Variants in NCOR2 observed in about 807,000 individuals in gnomAD.
The protein encoded by NCOR2 is CTG repeat protein 26.
Under a neutral mutation model 262.9 loss-of-function variants are expected in NCOR2, and 81 were observed. The ratio of observed to expected loss-of-function variants is 0.31; its 90% confidence interval spans 0.26 to 0.37. NCOR2 has a LOEUF of 0.37. Among genes scored for constraint, NCOR2 ranks in the 10% least tolerant of loss-of-function variants. NCOR2 has a pLI of 1.00. For missense variants in NCOR2, 3,385 were observed against 3,621.4 expected, an observed-to-expected ratio of 0.93 and a Z score of 1.68; for synonymous variants, 1,659 against 1,559.3, an observed-to-expected ratio of 1.06 and a Z score of -1.51.
exon 47 of NCOR2, chr12:124,325,392 C>CCCGGG: frequency 8.7e-7 from 1 of 1,152,266 alleles, no homozygotes; most frequent in Non-Finnish European, 1.1e-6. Flanking sequence ...CCCCCCCGCC[C>CCCGGG]TGTTCTGAGT....
chr12:124,448,093 T>G (rs887820098), intron 7 of NCOR2, among the ~76,000 whole-genome samples: 1 of 152,236 alleles, frequency 6.6e-6, no homozygotes, highest in Non-Finnish European at 1.5e-5. Flanking sequence ...CAAGGCTGAA[T>G]AGCCAAGGCC....
At chr12:124,407,503 C>T (rs1039435912) in intron 13 of NCOR2, among the ~76,000 whole-genome samples, 2 of 152,134 alleles carry the variant, frequency 1.3e-5, no homozygotes, top group Non-Finnish European at 2.9e-5. Context: ...GCGGTGGGAG[C>T]CCCCGGGGAC....
chr12:124,382,560 A>C (rs2040491038), intron 17 of NCOR2, among the ~76,000 whole-genome samples: 1 of 152,126 alleles, frequency 6.6e-6, no homozygotes, highest in Non-Finnish European at 1.5e-5. Context: ...TTTCATCGAC[A>C]CTAGGACGAC....
At chr12:124,375,029 G>A (rs941737102) in intron 18 of NCOR2, among the ~76,000 whole-genome samples, 1 of 152,212 alleles carries the variant, frequency 6.6e-6, no homozygotes, top group African/African-American at 2.4e-5. Context: ...GCTCCGTGCC[G>A]AGTTCTTCAC....
chr12:124,459,615 C>A (rs1458268723), intron 5 of NCOR2, among the ~76,000 whole-genome samples: 1 of 152,190 alleles, frequency 6.6e-6, no homozygotes, highest in Non-Finnish European at 1.5e-5. Flanking sequence ...ACCCAGGGTA[C>A]CAAACTCCCA....
chr12:124,384,909 G>A (rs189320696), intron 17 of NCOR2, among the ~76,000 whole-genome samples: 2 of 152,244 alleles, frequency 1.3e-5, no homozygotes, highest in Admixed American at 6.5e-5. Context: ...GATGAAGAGC[G>A]TGGGTGCTGA....
chr12:124,449,316 T>C (rs1199448889), intron 7 of NCOR2, among the ~76,000 whole-genome samples: 5 of 152,190 alleles, frequency 3.3e-5, no homozygotes, highest in South Asian at 4.1e-4. Flanking sequence ...CCTCAGGGCC[T>C]GGATGAGTGC....
At chr12:124,418,766 T>A (rs2043048876) in intron 13 of NCOR2, among the ~76,000 whole-genome samples, 1 of 152,172 alleles carries the variant, frequency 6.6e-6, no homozygotes, top group Non-Finnish European at 1.5e-5. Context: ...CAGAAAGCAG[T>A]CAGTGACCCT....
rs752649016 is a variant in NCOR2, at chr12:124,388,761, C to T, written c.1877-2874G>A. ...TGGGAAGATGCCCCAGGGAGCGGGC[C>T]GAAGTGGGCCGGCAGGCTGGGCGGC... On this transcript the variant is annotated intron_variant, in intron 16 of 46. Coordinates refer to ENST00000405201, the Ensembl canonical transcript of NCOR2. 36 of 1,303,824 alleles carry T rather than the reference C, an allele frequency of 2.8e-5. No homozygotes were observed. The East Asian group carries it at 4.4e-4, about 16-fold the overall frequency. The allele number at this position is 1,303,824 out of a possible 1,614,324, so 80.8% of individuals were successfully genotyped here.
intron 4 of NCOR2, among the ~76,000 whole-genome samples, chr12:124,467,726 C>CCCA (rs1593679741): frequency 7.3e-6 from 1 of 137,504 alleles, no homozygotes; most frequent in Non-Finnish European, 1.6e-5. Context: ...CCTCATCACC[C>CCCA]TCATCCTCAT....
At chr12:124,348,452 G>A (rs574396341) in intron 28 of NCOR2, 138 bp from the exon 31 acceptor site, 2 of 1,198,840 alleles carry the variant, frequency 1.7e-6, no homozygotes, top group African/African-American at 3.1e-5. Context: ...TCACAGCCGA[G>A]GCCTCCAGAG....
chr12:124,497,312 T>A (rs1006161166), upstream of NCOR2, among the ~76,000 whole-genome samples: 1 of 152,110 alleles, frequency 6.6e-6, no homozygotes, highest in Non-Finnish European at 1.5e-5. This position sits in a 1 kb window ranked among gnomAD's most constrained non-coding sequence, Gnocchi z 4.2. Context: ...CGAGACAGGA[T>A]GTATGGCGCA....
chr12:124,494,637 T>A (rs1217339250), intron 1 of NCOR2, among the ~76,000 whole-genome samples: 1 of 152,034 alleles, frequency 6.6e-6, no homozygotes, highest in Non-Finnish European at 1.5e-5. Flanking sequence ...TGGACCCTCA[T>A]GTCAGGGAGG....
At chr12:124,486,011 C>T (rs2047750751) in intron 2 of NCOR2, among the ~76,000 whole-genome samples, 1 of 150,366 alleles carries the variant, frequency 6.7e-6, no homozygotes, top group Non-Finnish European at 1.5e-5. Flanking sequence ...TGTTCATTCC[C>T]TTCCCACCTG....
chr12:124,485,607 C>G (rs990784684), intron 2 of NCOR2, among the ~76,000 whole-genome samples: 1 of 152,234 alleles, frequency 6.6e-6, no homozygotes, highest in Non-Finnish European at 1.5e-5. Flanking sequence ...ACAGAAGGCA[C>G]GCTGCCTCGG....
intron 1 of NCOR2, among the ~76,000 whole-genome samples, chr12:124,488,847 C>T (rs1164731552): frequency 6.6e-6 from 1 of 152,202 alleles, no homozygotes; most frequent in Non-Finnish European, 1.5e-5. Flanking sequence ...GTGCCCACGG[C>T]AGCCAACCAT....
chr12:124,429,726 A>T lies in NCOR2; in HGVS notation c.1056-20T>A. On this transcript the variant is annotated intron_variant, in intron 9 of 46. Transcript: ENST00000405201. Reference sequence around the variant, plus strand: ...ACCCTGCTGGGGACCAAGGGGACACACTCAGGACCGGTCTTCTGGTGGTCG... The same window carrying T: ...ACCCTGCTGGGGACCAAGGGGACACTCTCAGGACCGGTCTTCTGGTGGTCG... The T allele has an allele frequency of 6.3e-7, 1 of 1,582,946 alleles. No homozygotes were observed. Among genetic ancestry groups the T allele is most frequent in the Non-Finnish European group, 8.6e-7 (1 of 1,164,194 alleles).
Position 124,378,329 on chromosome 12 carries a change from T to A in NCOR2, c.2075A>T (p.Glu692Val). The change falls in exon 18 of 47, where the codon GAG (glutamate) becomes GTG (valine). Residue 692 changes from glutamate (E) to valine (V), a missense_variant. Around this residue, in one of 5 missense-constraint regions of NCOR2, gnomAD observed 515 missense variants for 781.2 expected, o/e 0.66. Transcript: ENST00000405201. The surrounding 1 kb of genome is among the most constrained non-coding windows in gnomAD (Gnocchi z 4.2). ...CACCACGGGCGGGAATGCAGCCTCC[T>A]CGCTGGCCGCCGCCGGCGCTTTCTT... 1 of 1,613,960 alleles carries A rather than the reference T, an allele frequency of 6.2e-7. No individual in the cohort carries two copies. Among genetic ancestry groups the A allele is most frequent in the Non-Finnish European group, 8.5e-7 (1 of 1,179,898 alleles).
In NCOR2 at chr12:124,378,291, T is replaced by TCTC; in HGVS notation, c.2110_2112dup (p.Glu704dup). On this transcript the variant is annotated inframe_insertion, in exon 18 of 47. Transcript: ENST00000405201. This position sits in a 1 kb window ranked among gnomAD's most constrained non-coding sequence, Gnocchi z 4.2. ...TTTCCGCTCACGCCCGACGCCTCCA[T>TCTC]CTCCTCATCCTCCACCACGGGCGGG... is the stretch of plus-strand genomic sequence containing the variant. 1 of 1,613,912 alleles carries TCTC rather than the reference T, an allele frequency of 6.2e-7. No homozygotes were observed. Among genetic ancestry groups the TCTC allele is most frequent in the Non-Finnish European group, 8.5e-7 (1 of 1,179,872 alleles).
Sources: gnomAD v4.1 joint callset for allele counts (sites outside exome capture counted in the v4.1 genomes callset) on GRCh38, gnomAD v4.1.1 for gene constraint, gnomAD v4.1.1 regional missense constraint, Gnocchi (gnomAD v3.1) non-coding constraint, MANE v1.5 for transcripts, NCBI Gene and HGNC (gene_info 2026-07-23, HGNC 2026-07-21) for gene names.